Variants in PRKCE observed in about 807,000 individuals in gnomAD.
PRKCE encodes protein kinase C epsilon.
Under a neutral mutation model 85.4 loss-of-function variants are expected in PRKCE, and 16 were observed. That is an observed-to-expected ratio of 0.19 (90% CI 0.13 to 0.28). The LOEUF (loss-of-function observed/expected upper bound fraction) is 0.28. PRKCE is among the 10% of genes least tolerant of loss of function. PRKCE has a pLI of 1.00. For missense variants in PRKCE, 573 were observed against 975.2 expected, an observed-to-expected ratio of 0.59 and a Z score of 5.49; for synonymous variants, 388 against 371.5, an observed-to-expected ratio of 1.04 and a Z score of -0.51.
At chr2:45,872,703 A>G (rs1490674211) in intron 2 of PRKCE, among the ~76,000 whole-genome samples, 1 of 152,230 alleles carries the variant, frequency 6.6e-6, no homozygotes, top group Non-Finnish European at 1.5e-5. Flanking sequence ...GATGGCTCCA[A>G]GGTATTTGTT....
At chr2:45,763,900 C>A (rs1279383784) in intron 1 of PRKCE, among the ~76,000 whole-genome samples, 1 of 152,218 alleles carries the variant, frequency 6.6e-6, no homozygotes, top group Non-Finnish European at 1.5e-5. Flanking sequence ...TGGACTCTTT[C>A]TTGTATGCCT....
chr2:45,731,188 G>T (rs1416076116), intron 1 of PRKCE, among the ~76,000 whole-genome samples: 1 of 152,092 alleles, frequency 6.6e-6, no homozygotes, highest in Non-Finnish European at 1.5e-5. Context: ...GAGGAAGATG[G>T]TTATTACAGC....
At chr2:45,825,927 AC>A (rs2105361223) in intron 1 of PRKCE, among the ~76,000 whole-genome samples, 1 of 150,696 alleles carries the variant, frequency 6.6e-6, no homozygotes, top group East Asian at 2.0e-4. Flanking sequence ...TTTGGCAGGG[AC>A]GGGGGGATGG....
intron 1 of PRKCE, among the ~76,000 whole-genome samples, chr2:45,661,536 T>C (rs535647799): frequency 7.3e-6 from 1 of 137,400 alleles, no homozygotes; most frequent in South Asian, 2.3e-4. Context: ...TTTTGTTTTT[T>C]TTTTTTTTTT....
intron 1 of PRKCE, among the ~76,000 whole-genome samples, chr2:45,775,261 C>T (rs1348866243): frequency 2.0e-5 from 3 of 152,196 alleles, no homozygotes; most frequent in Non-Finnish European, 4.4e-5. Context: ...GGCCATCTCA[C>T]TCCATGAGTT....
chr2:45,976,478 G>A lies in PRKCE; in HGVS notation c.462G>A (p.Arg154=). The A allele has an allele frequency of 6.3e-7, 1 of 1,599,804 alleles. No individual in the cohort carries two copies. Among genetic ancestry groups the A allele is most frequent in the Non-Finnish European group, 8.5e-7 (1 of 1,179,968 alleles). The change falls in exon 3 of 15, where the codon AGG becomes AGA. Residue 154 remains arginine (R), a synonymous_variant. Transcript: ENST00000306156. The part of the protein sequence containing the change: ...ERVFRERMRP[R]KRQGAVRRRV... ...TGTTCAGGGAACGCATGCGGCCGAGGAAGCGGCAGGGGGCCGTCAGGCGCA... is the reference window on the plus strand; with the variant it reads ...TGTTCAGGGAACGCATGCGGCCGAGAAAGCGGCAGGGGGCCGTCAGGCGCA...
Position 46,138,853 on chromosome 2 carries a change from C to T in PRKCE, c.1593-6240C>T, listed in dbSNP as rs1329362557. Among the ~76,000 whole-genome samples the T allele has an allele frequency of 6.6e-6, 1 of 152,104 alleles. No individual in the cohort carries two copies. The highest frequency in any genetic ancestry group is 1.5e-5 in the Non-Finnish European group (1 of 68,032). On this transcript the variant is annotated intron_variant, in intron 11 of 14. Transcript: ENST00000306156. The surrounding 1 kb of genome is among the most constrained non-coding windows in gnomAD (Gnocchi z 4.2). ...CCCCACAACACAGGATTATCCAGTC[C>T]CAAATGTCAATCTCGTCCCAGCATG...
chr2:46,078,875 T>C (rs1033480974), intron 10 of PRKCE: 1 of 152,220 alleles, frequency 6.6e-6, no homozygotes, highest in Non-Finnish European at 1.5e-5. Flanking sequence ...CCAGTTGTAC[T>C]ATAGAAAATA....
Position 46,001,383 on chromosome 2 carries a change from T to G in PRKCE, c.824-21T>G, listed in dbSNP as rs754056804. 10 of 1,591,976 alleles carry G rather than the reference T, an allele frequency of 6.3e-6. No homozygotes were observed. Among genetic ancestry groups the G allele is most frequent in the Admixed American group, 5.0e-5 (3 of 59,416 alleles). ...TTAGGCCATGAACACTTATCTGTCT[T>G]TTCTCCATGTCTCCTTACAGTCTGC... On this transcript the variant is annotated intron_variant, in intron 6 of 14. Transcript: ENST00000306156. This position sits in a 1 kb window ranked among gnomAD's most constrained non-coding sequence, Gnocchi z 4.4.
intron 1 of PRKCE, among the ~76,000 whole-genome samples, chr2:45,657,732 T>C (rs1675443482): frequency 1.3e-5 from 2 of 152,228 alleles, no homozygotes; most frequent in Admixed American, 1.3e-4. Context: ...CTTTTCAAAA[T>C]GATGGCACCC....
At chr2:46,052,197 TC>T (rs1708899400) in intron 10 of PRKCE, among the ~76,000 whole-genome samples, 1 of 152,178 alleles carries the variant, frequency 6.6e-6, no homozygotes, top group Non-Finnish European at 1.5e-5. Flanking sequence ...TGAACCACTT[TC>T]AAAAGGTAGT....
chr2:46,000,749 T>C (rs779438232), intron 6 of PRKCE, among the ~76,000 whole-genome samples: 6 of 152,204 alleles, frequency 3.9e-5, no homozygotes, highest in Non-Finnish European at 8.8e-5. Context: ...AGCCCATTTG[T>C]TGGTTACAGT....
At position 46,145,913 on chromosome 2, in the gene PRKCE, T is replaced by C. The variant is rs1012831296; in HGVS notation, c.1731+682T>C. On this transcript the variant is annotated intron_variant, in intron 12 of 14. Coordinates refer to ENST00000306156, the MANE Select transcript of PRKCE (RefSeq NM_005400.3). The surrounding 1 kb of genome is among the most constrained non-coding windows in gnomAD (Gnocchi z 4.6). Reference sequence around the variant, plus strand: ...ATAAAATCAGAATAAAGGAGCATCATTGATCATGGGAGCACTTCACTTTAT... The same window carrying C: ...ATAAAATCAGAATAAAGGAGCATCACTGATCATGGGAGCACTTCACTTTAT... 2.6e-5 allele frequency among the ~76,000 whole-genome samples: 4 copies of C among 152,142 alleles called. No individual in the cohort carries two copies. Among genetic ancestry groups the C allele is most frequent in the African/African-American group, 7.2e-5 (3 of 41,428 alleles).
intron 2 of PRKCE, among the ~76,000 whole-genome samples, chr2:45,936,500 T>G (rs770032521): frequency 3.9e-5 from 6 of 152,220 alleles, no homozygotes; most frequent in Admixed American, 6.5e-5. Flanking sequence ...GTCCTCCTCC[T>G]CCAGGTTTCT....
At chr2:46,144,876 A>G (rs948358134) in intron 11 of PRKCE, among the ~76,000 whole-genome samples, 1 of 152,166 alleles carries the variant, frequency 6.6e-6, no homozygotes, top group African/African-American at 2.4e-5. Context: ...CTGGGGTTAC[A>G]GAAGTTCCTC....
intron 10 of PRKCE, among the ~76,000 whole-genome samples, chr2:46,033,267 C>T (rs922345593): frequency 6.6e-6 from 1 of 152,148 alleles, no homozygotes; most frequent in African/African-American, 2.4e-5. Context: ...GTCTGGTAGC[C>T]GTTGCTCATC....
At chr2:46,100,612 A>G (rs2104070894) in intron 11 of PRKCE, among the ~76,000 whole-genome samples, 1 of 152,344 alleles carries the variant, frequency 6.6e-6, no homozygotes, top group South Asian at 2.1e-4. Context: ...CTGCTCATGC[A>G]AAAGCATTCA....
At chr2:45,804,023 C>A (rs918185816) in intron 1 of PRKCE, among the ~76,000 whole-genome samples, 1 of 152,224 alleles carries the variant, frequency 6.6e-6, no homozygotes, top group Non-Finnish European at 1.5e-5. Flanking sequence ...CACCATCTTG[C>A]AGGAACCTGT....
intron 1 of PRKCE, among the ~76,000 whole-genome samples, chr2:45,703,271 A>T (rs1432851275): frequency 6.6e-6 from 1 of 152,104 alleles, no homozygotes; most frequent in Non-Finnish European, 1.5e-5. Flanking sequence ...GTGGTGGCTC[A>T]CATCTGTATT....
Sources: gnomAD v4.1 joint callset for allele counts (sites outside exome capture counted in the v4.1 genomes callset) on GRCh38, gnomAD v4.1.1 for gene constraint, Gnocchi (gnomAD v3.1) non-coding constraint, MANE v1.5 for transcripts, NCBI Gene and HGNC (gene_info 2026-07-23, HGNC 2026-07-21) for gene names.